The following NRG1 variants were observed in gnomAD, a reference collection of about 807,000 sequenced individuals.
The protein encoded by NRG1 is neuregulin 1, also known as pro-neuregulin-1, membrane-bound isoform.
In NRG1, 18 loss-of-function variants were observed where a neutral mutation model predicts 63.8. That is an observed-to-expected ratio of 0.28 (90% CI 0.19 to 0.42). The LOEUF is 0.42. Among genes scored for constraint, NRG1 ranks in the 10% least tolerant of loss-of-function variants. The pLI is 1.00. For synonymous variants in NRG1, 302 were observed against 301.3 expected, an observed-to-expected ratio of 1.00 and a Z score of -0.02; for missense variants, 762 against 814.7, an observed-to-expected ratio of 0.94 and a Z score of 0.79.
intron 5 of NRG1, among the ~76,000 whole-genome samples, chr8:32,727,650 T>C (rs1044045824): frequency 6.6e-6 from 1 of 152,216 alleles, no homozygotes; most frequent in African/African-American, 2.4e-5. Flanking sequence ...TTAATGACAA[T>C]AGAGCTTCTC....
intron 1 of NRG1, among the ~76,000 whole-genome samples, chr8:32,564,447 A>C (rs191464686): frequency 4.8e-4 from 73 of 152,326 alleles, no homozygotes; most frequent in African/African-American, 1.6e-3. Context: ...AAAACTTATA[A>C]GCTAAGCATC....
exon 12 of NRG1, chr8:32,767,603 T>A (rs575454683): frequency 6.2e-4 from 95 of 152,350 alleles, no homozygotes; most frequent in African/African-American, 2.3e-3. Context: ...CAACTTACTA[T>A]GTAACATTGT....
chr8:31,972,400 G>T (rs367688554), intron 1 of NRG1, among the ~76,000 whole-genome samples: 1 of 152,034 alleles, frequency 6.6e-6, no homozygotes, highest in South Asian at 2.1e-4. Context: ...TCCATATGTC[G>T]ACAGGAATCT....
chr8:31,680,911 C>T (rs374831566), intron 1 of NRG1, among the ~76,000 whole-genome samples: 3 of 152,072 alleles, frequency 2.0e-5, no homozygotes, highest in East Asian at 3.9e-4. Flanking sequence ...GAGTTTTGCC[C>T]TCCCAGATAT....
chr8:31,689,906 C>T (rs533312086), intron 1 of NRG1, among the ~76,000 whole-genome samples: 43 of 152,230 alleles, frequency 2.8e-4, no homozygotes, highest in Admixed American at 1.7e-3. Context: ...AGAATAGGCC[C>T]CATTAGGATG....
chr8:32,200,415 A>AT lies in NRG1; in HGVS notation c.38-395406dup, dbSNP rs556471156. On this transcript the variant is annotated intron_variant, in intron 1 of 10. Transcript: ENST00000519301. ...TCATATCTTCTCTTTAACTTCCAGG[A>AT]TTTTTTTAACCGTTTTGTCTGTTCT... 1.2e-3 allele frequency among the ~76,000 whole-genome samples: 185 copies of AT among 152,000 alleles called. 1 individual carries two copies. Among genetic ancestry groups the AT allele is most frequent in the African/African-American group, 4.2e-3 (176 of 41,462 alleles).
At chr8:31,969,889 C>G (rs1461958801) in intron 1 of NRG1, among the ~76,000 whole-genome samples, 31 of 152,142 alleles carry the variant, frequency 2.0e-4, no homozygotes, top group Admixed American at 2.0e-3. Context: ...TCAGACAAAA[C>G]ACTCCTGGCA....
chr8:32,669,997 C>T (rs1263598442), intron 5 of NRG1, among the ~76,000 whole-genome samples: 2 of 152,138 alleles, frequency 1.3e-5, no homozygotes, highest in African/African-American at 4.8e-5. Context: ...CATTCAATTT[C>T]GTATCTTGCC....
intron 1 of NRG1, among the ~76,000 whole-genome samples, chr8:31,855,169 T>C (rs1827718645): frequency 1.3e-5 from 2 of 152,148 alleles, no homozygotes; most frequent in Admixed American, 6.5e-5. Flanking sequence ...GGTATCCTTG[T>C]TGACTTTCTG....
chr8:32,588,572 T>G (rs1240469290), intron 1 of NRG1, among the ~76,000 whole-genome samples: 4 of 152,202 alleles, frequency 2.6e-5, no homozygotes, highest in South Asian at 2.1e-4. Context: ...ATTTTATTCT[T>G]TTATGTTGTA....
intron 1 of NRG1, among the ~76,000 whole-genome samples, chr8:32,416,722 G>C (rs1278638594): frequency 1.3e-5 from 2 of 151,996 alleles, no homozygotes; most frequent in African/African-American, 2.4e-5. Context: ...GGGTCTGGCT[G>C]TGTTGCCCAG....
intron 5 of NRG1, among the ~76,000 whole-genome samples, chr8:32,644,569 G>A (rs1853095340): frequency 6.6e-6 from 1 of 152,146 alleles, no homozygotes; most frequent in African/African-American, 2.4e-5. Context: ...AAAAAGCAAT[G>A]TTATAGGAAG....
chr8:32,402,841 G>A (rs1313617744), intron 1 of NRG1, among the ~76,000 whole-genome samples: 12 of 152,082 alleles, frequency 7.9e-5, no homozygotes, highest in Non-Finnish European at 7.4e-5. Flanking sequence ...GTATATAAAG[G>A]GTTTCGTACT....
intron 1 of NRG1, among the ~76,000 whole-genome samples, chr8:32,508,235 A>G (rs1277920573): frequency 6.6e-6 from 1 of 152,064 alleles, no homozygotes; most frequent in African/African-American, 2.4e-5. Context: ...CAATATAGTG[A>G]GGCCCTGTAG....
At chr8:32,415,686 G>T (rs1391703846) in intron 1 of NRG1, among the ~76,000 whole-genome samples, 1 of 152,078 alleles carries the variant, frequency 6.6e-6, no homozygotes, top group Non-Finnish European at 1.5e-5. Flanking sequence ...ATACATACTT[G>T]TTTCCATGTA....
chr8:32,549,067 G>A (rs932482165), intron 1 of NRG1, among the ~76,000 whole-genome samples: 2 of 152,202 alleles, frequency 1.3e-5, no homozygotes, highest in Non-Finnish European at 2.9e-5. Context: ...AGTCCCGGCC[G>A]CACCCTCCCA....
downstream of NRG1, among the ~76,000 whole-genome samples, chr8:32,772,079 A>G (rs973220056): frequency 8.2e-6 from 1 of 122,476 alleles, no homozygotes; most frequent in Non-Finnish European, 1.7e-5. Context: ...ATATATATAT[A>G]TATATATATA....
chr8:32,433,537 C>T (rs894285714), intron 1 of NRG1, among the ~76,000 whole-genome samples: 6 of 152,100 alleles, frequency 3.9e-5, no homozygotes, highest in Non-Finnish European at 1.5e-5. Flanking sequence ...GCAATGTAAC[C>T]TCCTGCTGTG....
chr8:31,732,524 G>A (rs528522173), intron 1 of NRG1, among the ~76,000 whole-genome samples: 3 of 152,244 alleles, frequency 2.0e-5, no homozygotes, highest in East Asian at 1.9e-4. Flanking sequence ...ATTTTAGGCT[G>A]TAAGTGTAAT....
Sources: gnomAD v4.1 joint callset for allele counts (sites outside exome capture counted in the v4.1 genomes callset) on GRCh38, gnomAD v4.1.1 for gene constraint, MANE v1.5 for transcripts, NCBI Gene and HGNC (gene_info 2026-07-23, HGNC 2026-07-21) for gene names.